The following PTPRN2 variants were observed in gnomAD, a reference collection of about 807,000 sequenced individuals.
PTPRN2 encodes the protein protein tyrosine phosphatase receptor type N2.
In PTPRN2, 74 loss-of-function variants were observed where a neutral mutation model predicts 118.8. That is an observed-to-expected ratio of 0.62 (90% CI 0.52 to 0.76). The LOEUF is 0.76. Ranked by LOEUF, PTPRN2 falls within the 30% of genes least tolerant of loss-of-function variation. The pLI, the probability that PTPRN2 is intolerant of heterozygous loss-of-function variation, is 0.00. For missense variants in PTPRN2, 1,481 were observed against 1,394.4 expected, an observed-to-expected ratio of 1.06 and a Z score of -0.99; for synonymous variants, 641 against 608.0, an observed-to-expected ratio of 1.05 and a Z score of -0.80.
chr7:158,444,529 G>A (rs559701290), intron 2 of PTPRN2, among the ~76,000 whole-genome samples: 10 of 152,340 alleles, frequency 6.6e-5, no homozygotes, highest in Admixed American at 2.0e-4. Flanking sequence ...AGAAGAGGCC[G>A]AGCCTCAGAG....
chr7:158,109,829 C>T (rs1248755096), intron 10 of PTPRN2, among the ~76,000 whole-genome samples: 4 of 149,314 alleles, frequency 2.7e-5, no homozygotes, highest in Non-Finnish European at 3.0e-5. Flanking sequence ...TGATGTCACC[C>T]GTGTAAAGAG....
chr7:158,136,586 A>G, intron 8 of PTPRN2, 69 bp downstream of exon 8: 1 of 1,493,250 alleles, frequency 6.7e-7, no homozygotes, highest in South Asian at 1.2e-5. Context: ...AAATGTTCCC[A>G]CACCATGAAC....
intron 1 of PTPRN2, among the ~76,000 whole-genome samples, chr7:158,511,625 G>C (rs187153334): frequency 6.6e-6 from 1 of 152,182 alleles, no homozygotes; most frequent in Non-Finnish European, 1.5e-5. Context: ...GCACAGCTTT[G>C]CCTCTCACAC....
intron 12 of PTPRN2, among the ~76,000 whole-genome samples, chr7:157,826,044 C>T: frequency 6.6e-6 from 1 of 152,224 alleles, no homozygotes; most frequent in East Asian, 1.9e-4. Flanking sequence ...TCTGCTCAAG[C>T]CACCACCAGT....
intron 2 of PTPRN2, among the ~76,000 whole-genome samples, chr7:158,476,095 C>T (rs1820237187): frequency 6.6e-6 from 1 of 152,206 alleles, no homozygotes; most frequent in Non-Finnish European, 1.5e-5. Context: ...ACCTCCTCTT[C>T]CTGGGCTCAA....
chr7:157,632,639 G>A lies in PTPRN2; in HGVS notation c.2197-11130C>T, dbSNP rs1423713000. On this transcript the variant is annotated intron_variant, in intron 14 of 22. Coordinates refer to ENST00000389418, the MANE Select transcript of PTPRN2 (RefSeq NM_002847.5). The surrounding 1 kb of genome is among the most constrained non-coding windows in gnomAD (Gnocchi z 4.3). ...GGTCACCTGCAGAAAGACTAAGAAA[G>A]AAGCTGTTTAATAATGGGGATGATG... Among the ~76,000 whole-genome samples, 1 of 152,180 alleles carries A rather than the reference G, an allele frequency of 6.6e-6. No individual in the cohort carries two copies. Among genetic ancestry groups the A allele is most frequent in the Non-Finnish European group, 1.5e-5 (1 of 68,042 alleles).
In PTPRN2 at chr7:157,895,355, A is replaced by C. The variant is rs142760845; in HGVS notation, c.1788+3318T>G. 3.2e-3 allele frequency among the ~76,000 whole-genome samples: 403 copies of C among 125,770 alleles called. 15 individuals carry two copies. The East Asian group carries it at 0.072, about 22-fold the overall frequency. 82.5% of individuals were successfully genotyped at this position (125,770 alleles called of 152,430 possible). The stretch of plus-strand genomic sequence containing the variant: ...ATAAGCCAGAGGGTCTGAACGAGTC[A>C]ATAAAATAAGCCAGAGGGTCTGAAC... On this transcript the variant is annotated intron_variant, in intron 12 of 22. Coordinates refer to ENST00000389418, the MANE Select transcript of PTPRN2 (RefSeq NM_002847.5).
At chr7:157,935,546 A>G (rs941982638) in intron 11 of PTPRN2, among the ~76,000 whole-genome samples, 2 of 152,138 alleles carry the variant, frequency 1.3e-5, no homozygotes, top group Non-Finnish European at 2.9e-5. Context: ...CTTTCCCTTT[A>G]CGTTCTTGAA....
intron 3 of PTPRN2, among the ~76,000 whole-genome samples, chr7:158,228,492 C>T (rs1198696042): frequency 6.6e-6 from 1 of 152,084 alleles, no homozygotes; most frequent in Non-Finnish European, 1.5e-5. Context: ...CTAGGAGGGA[C>T]TTCTGGTCCC....
At chr7:158,409,418 G>A (rs1813851941) in intron 2 of PTPRN2, among the ~76,000 whole-genome samples, 1 of 152,218 alleles carries the variant, frequency 6.6e-6, no homozygotes, top group Admixed American at 6.5e-5. Context: ...GACCTACCCA[G>A]GCATGAGCGT....
At chr7:157,963,628 C>T (rs1177981389) in intron 11 of PTPRN2, among the ~76,000 whole-genome samples, 5 of 152,214 alleles carry the variant, frequency 3.3e-5, no homozygotes, top group African/African-American at 1.2e-4. Flanking sequence ...TGAGTGGAAA[C>T]AGGCCACAGT....
intron 14 of PTPRN2, among the ~76,000 whole-genome samples, chr7:157,633,074 G>A (rs1418494016): frequency 3.9e-5 from 6 of 152,056 alleles, no homozygotes; most frequent in South Asian, 2.1e-4. Flanking sequence ...ACCTAGGTTC[G>A]GGAGCACAGT....
At chr7:158,500,689 C>A (rs968658182) in intron 1 of PTPRN2, among the ~76,000 whole-genome samples, 2 of 152,262 alleles carry the variant, frequency 1.3e-5, no homozygotes, top group East Asian at 3.8e-4. Flanking sequence ...CACCCGCTGC[C>A]TCTCACTGGG....
chr7:158,346,001 C>A (rs1012642373), intron 2 of PTPRN2, among the ~76,000 whole-genome samples: 2 of 152,164 alleles, frequency 1.3e-5, no homozygotes, highest in African/African-American at 4.8e-5. Context: ...CTCCCCAACG[C>A]TGGGGATTAC....
chr7:157,876,866 G>A (rs1041883305), intron 12 of PTPRN2, among the ~76,000 whole-genome samples: 10 of 152,208 alleles, frequency 6.6e-5, no homozygotes, highest in Admixed American at 1.3e-4. Context: ...TCTGGGAGCC[G>A]CAGGAGGCAC....
Position 158,188,276 on chromosome 7 carries a change from A to AGGGGGAAGGCCGCCACGC in PTPRN2, c.549+4050_549+4051insGCGTGGCGGCCTTCCCCC, listed in dbSNP as rs1825395362. Among the ~76,000 whole-genome samples the AGGGGGAAGGCCGCCACGC allele has an allele frequency of 5.0e-4, 28 of 55,798 alleles. 2 individuals are homozygous for AGGGGGAAGGCCGCCACGC. The highest frequency in any genetic ancestry group is 8.3e-4 in the Non-Finnish European group (25 of 30,070). The allele number at this position is 55,798 out of a possible 152,430, so 36.6% of individuals were successfully genotyped here. The stretch of plus-strand genomic sequence containing the variant: ...GAAGGCCGCCACGCTCGCCCCCTGT[A>AGGGGGAAGGCCGCCACGC]TGGGGAAGGCCGCCACGCTCGCCCC... On this transcript the variant is annotated intron_variant, in intron 5 of 22. Transcript: ENST00000389418.
At chr7:158,308,510 G>A (rs4909060) in intron 3 of PTPRN2, among the ~76,000 whole-genome samples, 137,150 of 152,146 alleles carry the variant, frequency 0.9, 62,232 homozygotes, top group Non-Finnish European at 0.96. Flanking sequence ...TAAAAAACCT[G>A]CATAAAGCAA....
intron 12 of PTPRN2, among the ~76,000 whole-genome samples, chr7:157,885,948 C>A (rs1796427576): frequency 6.6e-6 from 1 of 152,200 alleles, no homozygotes; most frequent in South Asian, 2.1e-4. Context: ...AGGGGGCGAG[C>A]ATCACAACTG....
At chr7:158,350,465 C>G (rs544332490) in intron 2 of PTPRN2, among the ~76,000 whole-genome samples, 60 of 152,348 alleles carry the variant, frequency 3.9e-4, no homozygotes, top group African/African-American at 1.3e-3. Context: ...CTTCTGGTGT[C>G]TGACTGCCGT....
Sources: allele counts gnomAD v4.1 joint callset (sites outside exome capture counted in the v4.1 genomes callset), GRCh38; gene constraint gnomAD v4.1.1; non-coding constraint Gnocchi (gnomAD v3.1); transcripts MANE v1.5; gene names NCBI Gene and HGNC (gene_info 2026-07-23, HGNC 2026-07-21).